BGN: variants seen among roughly 807,000 people sequenced by gnomAD.
BGN encodes biglycan.
BGN carries 6 observed loss-of-function variants against 20.0 expected under a neutral mutation model. That is an observed-to-expected ratio of 0.30 (90% CI 0.16 to 0.59). The LOEUF is 0.59. Ranked by LOEUF, BGN falls within the 20% of genes least tolerant of loss-of-function variation. The pLI, the probability that BGN is intolerant of heterozygous loss-of-function variation, is 0.88. For missense variants in BGN, 292 were observed against 312.1 expected (o/e 0.94, Z 0.49); for synonymous variants, 146 against 134.6 (o/e 1.08, Z -0.59).
chrX:153,505,901 T>C lies in BGN; in HGVS notation c.390T>C (p.His130=). ...TGAACAACAAGATCTCCAAGATCCA[T>C]GAGAAGGCCTTCAGCCCACTGCGGA... ...VLVNNKISKI[H]EKAFSPLRKL... Residue 130 remains histidine, a synonymous_variant, in exon 4 of 8, where the codon CAT becomes CAC. Transcript: ENST00000331595. 2 of 1,211,544 alleles carry C rather than the reference T, an allele frequency of 1.7e-6. No individual in the cohort carries two copies. The highest frequency in any genetic ancestry group is 2.2e-6 in the Non-Finnish European group (2 of 895,405).
At chrX:153,496,652 G>A (rs998395103) in intron 1 of BGN, among the ~76,000 whole-genome samples, 1 of 112,539 alleles carries the variant, frequency 8.9e-6, no homozygotes, top group African/African-American at 3.2e-5. Flanking sequence ...CCAAGGACCC[G>A]TACGGCAGTG....
At chrX:153,504,310 C>A (rs1297093241) in intron 1 of BGN, among the ~76,000 whole-genome samples, 1 of 112,558 alleles carries the variant, frequency 8.9e-6, no homozygotes, top group Admixed American at 9.3e-5. Context: ...GCGTGGGGGC[C>A]TGCAGACTTG....
intron 1 of BGN, among the ~76,000 whole-genome samples, chrX:153,503,752 C>A (rs1302688712): frequency 1.8e-5 from 2 of 112,411 alleles, no homozygotes; most frequent in Non-Finnish European, 3.8e-5. Flanking sequence ...CCCTGCCCTG[C>A]CACCCTGGCG....
At chrX:153,499,593 G>A (rs895978205) in intron 1 of BGN, among the ~76,000 whole-genome samples, 7 of 113,362 alleles carry the variant, frequency 6.2e-5, no homozygotes, top group Admixed American at 9.2e-5. Flanking sequence ...CTCCGGCAAC[G>A]GCAGGGGCTT....
chrX:153,503,612 G>C (rs2089776483), intron 1 of BGN, among the ~76,000 whole-genome samples: 1 of 112,195 alleles, frequency 8.9e-6, no homozygotes, highest in Non-Finnish European at 1.9e-5. Context: ...GCTGCCTCTG[G>C]ACGGGAGACC....
intron 1 of BGN, among the ~76,000 whole-genome samples, chrX:153,501,629 G>A (rs782115142): frequency 6.2e-5 from 7 of 112,615 alleles, no homozygotes; most frequent in Non-Finnish European, 1.1e-4. Context: ...GCTCAGACAC[G>A]GAGCCTGCCC....
Position 153,501,338 on chromosome X carries a change from C to G in BGN, c.-11-3283C>G, listed in dbSNP as rs782681640. Among the ~76,000 whole-genome samples the G allele has an allele frequency of 3.6e-5, 4 of 112,660 alleles. No homozygotes were observed. The South Asian group carries it at 1.1e-3, about 31-fold the overall frequency. On this transcript the variant is annotated intron_variant, in intron 1 of 7. Coordinates refer to ENST00000331595, the MANE Select transcript of BGN (RefSeq NM_001711.6). ...ACTGCCAGGACCTCCCAAACTGCCA[C>G]CCCCAGTCTTGGGCATTCAGGCTCT...
chrX:153,500,066 G>A (rs782004960), intron 1 of BGN, among the ~76,000 whole-genome samples: 62 of 113,424 alleles, frequency 5.5e-4, no homozygotes, highest in African/African-American at 1.9e-3. Flanking sequence ...CCCAGGGCCC[G>A]CCAGACCTCA....
At chrX:153,507,600 G>A (rs2089812178) in intron 7 of BGN, among the ~76,000 whole-genome samples, 1 of 113,273 alleles carries the variant, frequency 8.8e-6, no homozygotes. Flanking sequence ...AACCAGGTGG[G>A]TGATCTTGGT....
rs1166225684 is a variant in BGN at position 153,506,905 on chromosome X, G to A, written c.752G>A (p.Arg251His). 2.8e-5 allele frequency: 34 copies of A among 1,209,627 alleles called. No homozygotes were observed. The highest frequency in any genetic ancestry group is 8.8e-5 in the African/African-American group (5 of 57,129). The stretch of plus-strand genomic sequence containing the variant: ...GCCATCGAACTGGAGGACCTGCTTC[G>A]CTACTCCAAGCTGTACAGGTGAGGC... ...IQAIELEDLL[R>H]YSKLYRLGLG... Residue 251 changes from arginine to histidine, a missense_variant, in exon 6 of 8, where the codon CGC becomes CAC. Transcript: ENST00000331595.
chrX:153,504,555 C>A, intron 1 of BGN, 66 bp from the exon 2 acceptor site: 3 of 953,411 alleles, frequency 3.1e-6, no homozygotes, highest in Non-Finnish European at 2.9e-6. Context: ...ACGCGGAACA[C>A]CAGCCCCTGG....
chrX:153,500,884 TGA>T (rs1297870074), intron 1 of BGN, among the ~76,000 whole-genome samples: 1 of 111,943 alleles, frequency 8.9e-6, no homozygotes, highest in Non-Finnish European at 1.9e-5. Context: ...GATGTGTGCA[TGA>T]GTGTGTGTGC....
At chrX:153,498,470 C>T (rs2089734190) in intron 1 of BGN, among the ~76,000 whole-genome samples, 1 of 112,720 alleles carries the variant, frequency 8.9e-6, no homozygotes, top group African/African-American at 3.2e-5. Context: ...GGAGGCTGCC[C>T]TCATGCAAAG....
rs781832216 is a variant in BGN, at chrX:153,505,146, G to T, written c.239-92G>T. 4 of 750,166 alleles carry T rather than the reference G, an allele frequency of 5.3e-6. No homozygotes were observed. In the South Asian group the frequency reaches 1.0e-4, roughly 19 times the overall value. The allele number at this position is 750,166 out of a possible 1,213,427, so 61.8% of individuals were successfully genotyped here. A position where few individuals can be genotyped will look rare whatever the true frequency, so the allele number is the denominator to read the frequency against. ...GCTCCAAGTTCATGCTGGTGATGGT[G>T]GTGGGGCCCCTAGGTCTCGAGTTCA... On this transcript the variant is annotated intron_variant, in intron 2 of 7. Coordinates refer to ENST00000331595, the MANE Select transcript of BGN (RefSeq NM_001711.6).
At chrX:153,497,684 C>A (rs1439396551) in intron 1 of BGN, among the ~76,000 whole-genome samples, 2 of 110,252 alleles carry the variant, frequency 1.8e-5, no homozygotes, top group Non-Finnish European at 3.8e-5. Flanking sequence ...CCAGAAAGAA[C>A]CAGCTTCCCA....
rs113537530 is a variant in BGN at position 153,506,186 on chromosome X, G to A, written c.565+110G>A. On this transcript the variant is annotated intron_variant, in intron 4 of 7. Coordinates refer to ENST00000331595, the MANE Select transcript of BGN (RefSeq NM_001711.6). ...GTTCAAGAAAGAGTATGGTGAGAAC[G>A]GTCAAAAGAAAATCCATGGATTTCT... is the stretch of plus-strand genomic sequence containing the variant. The A allele has an allele frequency of 3.8e-5, 31 of 818,875 alleles. 1 individual carries two copies. The highest frequency in any genetic ancestry group is 2.3e-4 in the African/African-American group (11 of 48,618). The allele number at this position is 818,875 out of a possible 1,213,427, so 67.5% of individuals were successfully genotyped here. A position where few individuals can be genotyped will look rare whatever the true frequency, so the allele number is the denominator to read the frequency against.
At chrX:153,506,438 A>G (rs920805354) in intron 4 of BGN, 91 bp from the exon 5 acceptor site, 14 of 816,346 alleles carry the variant, frequency 1.7e-5, no homozygotes, top group Non-Finnish European at 2.5e-5. Flanking sequence ...GCCGGCAGGT[A>G]GCAGGGCCCA....
At chrX:153,495,791 C>T (rs1220613712) in intron 1 of BGN, among the ~76,000 whole-genome samples, 1 of 113,248 alleles carries the variant, frequency 8.8e-6, no homozygotes, top group East Asian at 2.8e-4. Flanking sequence ...AAGTCTGGGT[C>T]CTGGGAGCCC....
chrX:153,500,776 T>C (rs1397494330), intron 1 of BGN, among the ~76,000 whole-genome samples: 1 of 110,993 alleles, frequency 9.0e-6, no homozygotes, highest in Non-Finnish European at 1.9e-5. Flanking sequence ...TGTGCGTGTG[T>C]GTGCATGTGT....
Sources: gnomAD v4.1 joint callset for allele counts (sites outside exome capture counted in the v4.1 genomes callset) on GRCh38, gnomAD v4.1.1 for gene constraint, MANE v1.5 for transcripts, NCBI Gene and HGNC (gene_info 2026-07-23, HGNC 2026-07-21) for gene names.